The following GMDS variants were observed in gnomAD, a reference collection of about 807,000 sequenced individuals.
The protein encoded by GMDS is GDP-mannose 4,6 dehydratase.
Under a neutral mutation model 49.9 loss-of-function variants are expected in GMDS, and 20 were observed. The ratio of observed to expected loss-of-function variants is 0.40; its 90% CI spans 0.28 to 0.58. The LOEUF is 0.58. Among genes scored for constraint, GMDS ranks in the 20% least tolerant of loss-of-function variants. The pLI is 0.42. For synonymous variants in GMDS, 177 were observed against 178.6 expected (o/e 0.99, Z 0.07); for missense variants, 362 against 481.4 (o/e 0.75, Z 2.32).
At chr6:1,846,884 C>T (rs964906431) in intron 7 of GMDS, among the ~76,000 whole-genome samples, 8 of 152,114 alleles carry the variant, frequency 5.3e-5, no homozygotes, top group African/African-American at 1.9e-4. Flanking sequence ...CTCTACTAAA[C>T]CAAGGAGGCA....
At chr6:1,991,970 T>C (rs1765971586) in intron 4 of GMDS, among the ~76,000 whole-genome samples, 1 of 152,204 alleles carries the variant, frequency 6.6e-6, no homozygotes, top group African/African-American at 2.4e-5. Context: ...GCCAAATCGC[T>C]GCAAATCCCT....
chr6:1,707,309 T>C (rs1476350643), intron 9 of GMDS, among the ~76,000 whole-genome samples: 2 of 152,246 alleles, frequency 1.3e-5, no homozygotes, highest in Admixed American at 6.5e-5. Context: ...GCTGAAAATA[T>C]TCTGATTTTT....
At chr6:2,238,582 C>A (rs1337006736) in intron 1 of GMDS, among the ~76,000 whole-genome samples, 1 of 152,156 alleles carries the variant, frequency 6.6e-6, no homozygotes, top group Non-Finnish European at 1.5e-5. Flanking sequence ...ACTGTGAGAA[C>A]TTATTCATAA....
At chr6:1,929,991 G>T in intron 7 of GMDS, 112 bp downstream of exon 7, 1 of 939,418 alleles carries the variant, frequency 1.1e-6, no homozygotes, top group Non-Finnish European at 1.6e-6. Flanking sequence ...TACCTGCCTT[G>T]GCAAAGGTTT....
chr6:2,100,107 ATGATT>A, intron 4 of GMDS, among the ~76,000 whole-genome samples: 1 of 152,190 alleles, frequency 6.6e-6, no homozygotes, highest in African/African-American at 2.4e-5. Flanking sequence ...TTTGTTTTAC[ATGATT>A]ATAAAAATTC....
chr6:2,096,551 C>T (rs964972615), intron 4 of GMDS, among the ~76,000 whole-genome samples: 3 of 152,096 alleles, frequency 2.0e-5, no homozygotes, highest in African/African-American at 7.2e-5. Context: ...TTTTAAGGAG[C>T]ATGACAAGCT....
chr6:2,022,274 C>A (rs567969837), intron 4 of GMDS, among the ~76,000 whole-genome samples: 250 of 152,160 alleles, frequency 1.6e-3, no homozygotes, highest in Admixed American at 3.4e-3. Flanking sequence ...GTAGGAAGGG[C>A]AAACCTTCAA....
chr6:2,079,761 T>C (rs1449298523), intron 4 of GMDS, among the ~76,000 whole-genome samples: 4 of 152,184 alleles, frequency 2.6e-5, no homozygotes, highest in African/African-American at 9.7e-5. Context: ...ATAGTTTGAC[T>C]ATAATGTGCC....
intron 4 of GMDS, among the ~76,000 whole-genome samples, chr6:2,008,312 C>A (rs1282688189): frequency 6.6e-6 from 1 of 152,104 alleles, no homozygotes; most frequent in Non-Finnish European, 1.5e-5. Flanking sequence ...TTTATTTATT[C>A]TTGATGAAAA....
chr6:2,226,703 C>T (rs1315085707), intron 1 of GMDS, among the ~76,000 whole-genome samples: 1 of 152,172 alleles, frequency 6.6e-6, no homozygotes, highest in African/African-American at 2.4e-5. Flanking sequence ...CTCCTAAATT[C>T]TATCACTCAA....
chr6:1,852,373 G>A (rs1198472180), intron 7 of GMDS, among the ~76,000 whole-genome samples: 2 of 152,142 alleles, frequency 1.3e-5, no homozygotes, highest in Admixed American at 6.5e-5. Context: ...GATATTTTCT[G>A]TAATAAAAGC....
At chr6:2,025,541 T>C (rs1768545421) in intron 4 of GMDS, among the ~76,000 whole-genome samples, 1 of 151,924 alleles carries the variant, frequency 6.6e-6, no homozygotes, top group Non-Finnish European at 1.5e-5. Context: ...TCTTTCTCCT[T>C]GTAATTGAAA....
At chr6:2,221,679 T>C (rs1027614667) in intron 1 of GMDS, among the ~76,000 whole-genome samples, 2 of 152,232 alleles carry the variant, frequency 1.3e-5, no homozygotes, top group Non-Finnish European at 2.9e-5. Flanking sequence ...TGAGCCACCA[T>C]GCCCGGCCTT....
At chr6:1,733,981 G>A (rs1766920284) in intron 8 of GMDS, among the ~76,000 whole-genome samples, 1 of 152,248 alleles carries the variant, frequency 6.6e-6, no homozygotes, top group African/African-American at 2.4e-5. Context: ...GGGGCGACCT[G>A]CTAGTGGGAC....
intron 9 of GMDS, among the ~76,000 whole-genome samples, chr6:1,696,446 C>G (rs1334510125): frequency 5.3e-5 from 8 of 152,200 alleles, no homozygotes; most frequent in African/African-American, 9.7e-5. Context: ...ACTTTAGTTG[C>G]TTTGTTTCTC....
chr6:1,999,182 C>T (rs1406289200), intron 4 of GMDS, among the ~76,000 whole-genome samples: 2 of 151,848 alleles, frequency 1.3e-5, no homozygotes, highest in Admixed American at 1.3e-4. Context: ...ATTAGCAGGG[C>T]GTGGTGGTGC....
At chr6:2,100,749 CAAA>C (rs1562054427) in intron 4 of GMDS, among the ~76,000 whole-genome samples, 2 of 151,738 alleles carry the variant, frequency 1.3e-5, no homozygotes, top group African/African-American at 4.8e-5. Flanking sequence ...GGGCACTACA[CAAA>C]ATGTCATGTG....
intron 2 of GMDS, among the ~76,000 whole-genome samples, chr6:2,122,181 A>G (rs982255716): frequency 6.6e-6 from 1 of 152,214 alleles, no homozygotes; most frequent in Non-Finnish European, 1.5e-5. Flanking sequence ...ACTTCATCAT[A>G]TGATTCAATC....
At chr6:1,814,445 C>T (rs1271782813) in intron 7 of GMDS, among the ~76,000 whole-genome samples, 2 of 150,744 alleles carry the variant, frequency 1.3e-5, no homozygotes, top group Admixed American at 1.3e-4. Context: ...AAAAAAAAAA[C>T]GCAGCTGCCT....
Sources: allele counts gnomAD v4.1 joint callset (sites outside exome capture counted in the v4.1 genomes callset), GRCh38; gene constraint gnomAD v4.1.1; transcripts MANE v1.5; gene names NCBI Gene and HGNC (gene_info 2026-07-23, HGNC 2026-07-21).